Variants in CNTN5 observed in about 807,000 individuals in gnomAD.
The protein encoded by CNTN5 is contactin-5.
Under a neutral mutation model 129.1 loss-of-function variants are expected in CNTN5, and 77 were observed. That is an observed-to-expected ratio of 0.60 (90% CI 0.50 to 0.72). The LOEUF (loss-of-function observed/expected upper bound fraction) is 0.72, where lower values mean the gene tolerates loss of function less well. Among genes scored for constraint, CNTN5 ranks in the 30% least tolerant of loss-of-function variants. CNTN5 has a pLI of 0.00. For synonymous variants in CNTN5, 509 were observed against 465.6 expected, an observed-to-expected ratio of 1.09 and a Z score of -1.20; for missense variants, 1,478 against 1,328.8, an observed-to-expected ratio of 1.11 and a Z score of -1.75.
At chr11:99,616,130 T>A (rs1950753863) in intron 3 of CNTN5, among the ~76,000 whole-genome samples, 1 of 152,194 alleles carries the variant, frequency 6.6e-6, no homozygotes, top group South Asian at 2.1e-4. Flanking sequence ...ATTTATAGAT[T>A]TGTATAAGTC....
chr11:99,491,185 T>A (rs1488376630), intron 2 of CNTN5, among the ~76,000 whole-genome samples: 1 of 152,098 alleles, frequency 6.6e-6, no homozygotes, highest in Non-Finnish European at 1.5e-5. Context: ...CATTCCCATG[T>A]ATTTGTTAGG....
At chr11:100,267,058 T>C (rs554110751) in intron 17 of CNTN5, among the ~76,000 whole-genome samples, 1 of 152,176 alleles carries the variant, frequency 6.6e-6, no homozygotes, top group East Asian at 1.9e-4. Flanking sequence ...TGATGAGTAC[T>C]ATGGGGGAAA....
rs527446787 is a variant in CNTN5 at position 99,110,953 on chromosome 11, T to A, written c.-210+89683T>A. ...AAGCCACTGAGATTATAGTTTGTCATTGCAACATAATTTAGCCCATTCTGG... is the reference window on the plus strand; with the variant it reads ...AAGCCACTGAGATTATAGTTTGTCAATGCAACATAATTTAGCCCATTCTGG... On this transcript the variant is annotated intron_variant, in intron 1 of 24. Coordinates refer to ENST00000524871, the MANE Select transcript of CNTN5 (RefSeq NM_014361.4). 3.3e-5 allele frequency among the ~76,000 whole-genome samples: 5 copies of A among 152,284 alleles called. No individual in the cohort carries two copies. In the South Asian group the frequency reaches 1.0e-3, roughly 32 times the overall value.
intron 13 of CNTN5, among the ~76,000 whole-genome samples, chr11:100,143,114 T>C (rs1946746203): frequency 6.6e-6 from 1 of 152,184 alleles, no homozygotes; most frequent in Non-Finnish European, 1.5e-5. Context: ...ACTACTGGTC[T>C]CAAGCATCTT....
At chr11:100,289,764 A>G (rs1366377795) in intron 18 of CNTN5, among the ~76,000 whole-genome samples, 4 of 149,162 alleles carry the variant, frequency 2.7e-5, no homozygotes, top group South Asian at 4.3e-4. Flanking sequence ...GGCCAGGGCA[A>G]TCAGGCAGGA....
At chr11:99,502,556 C>T (rs72991575) in intron 2 of CNTN5, among the ~76,000 whole-genome samples, 6,990 of 152,186 alleles carry the variant, frequency 0.046, 236 homozygotes, top group Non-Finnish European at 0.067. Flanking sequence ...TGCCTTGCTT[C>T]TCCTTCACCT....
At chr11:100,174,270 A>G (rs1001895927) in intron 13 of CNTN5, among the ~76,000 whole-genome samples, 2 of 152,126 alleles carry the variant, frequency 1.3e-5, no homozygotes, top group East Asian at 1.9e-4. Context: ...TTATAAGAGA[A>G]AAAGGAAAGT....
chr11:99,046,668 T>G (rs2135158477), intron 1 of CNTN5, among the ~76,000 whole-genome samples: 1 of 152,132 alleles, frequency 6.6e-6, no homozygotes, highest in Non-Finnish European at 1.5e-5. Flanking sequence ...ATTTTAGTTT[T>G]TTCATCAATT....
intron 21 of CNTN5, among the ~76,000 whole-genome samples, chr11:100,320,950 G>A (rs972380795): frequency 6.6e-6 from 1 of 151,994 alleles, no homozygotes; most frequent in Non-Finnish European, 1.5e-5. Flanking sequence ...TGCTGTTTTT[G>A]TTACTATAGC....
intron 3 of CNTN5, among the ~76,000 whole-genome samples, chr11:99,808,862 A>G (rs1249509706): frequency 1.3e-5 from 2 of 152,100 alleles, no homozygotes; most frequent in Non-Finnish European, 2.9e-5. Context: ...CTCCCTTTTA[A>G]GATTGTGCCT....
chr11:99,923,120 A>T (rs1949977546), intron 7 of CNTN5, among the ~76,000 whole-genome samples: 1 of 152,144 alleles, frequency 6.6e-6, no homozygotes, highest in African/African-American at 2.4e-5. Flanking sequence ...TGCAATGCCC[A>T]TTTTTCTTCA....
In CNTN5 at chr11:99,255,815, C is replaced by CGCACACGCACACACAT. The variant is rs1180834545; in HGVS notation, c.-209-69515_-209-69500dup. On this transcript the variant is annotated intron_variant, in intron 1 of 24. Coordinates refer to ENST00000524871, the MANE Select transcript of CNTN5 (RefSeq NM_014361.4). ...ACACACACACGCACACACACACACACGCACACGCACACACATGCACACGCA... is the reference window on the plus strand; with the variant it reads ...ACACACACACGCACACACACACACACGCACACGCACACACATGCACACGCACACACATGCACACGCA... Among the ~76,000 whole-genome samples the CGCACACGCACACACAT allele has an allele frequency of 1.2e-3, 187 of 151,252 alleles. 1 individual carries two copies. Among genetic ancestry groups the CGCACACGCACACACAT allele is most frequent in the African/African-American group, 4.4e-3 (182 of 41,258 alleles).
intron 9 of CNTN5, among the ~76,000 whole-genome samples, chr11:100,050,196 T>C (rs960692070): frequency 6.6e-6 from 1 of 152,198 alleles, no homozygotes; most frequent in Non-Finnish European, 1.5e-5. Context: ...TGTGGCACTA[T>C]TCACAATAGC....
intron 3 of CNTN5, among the ~76,000 whole-genome samples, chr11:99,683,169 C>A (rs1953634457): frequency 6.6e-6 from 1 of 151,618 alleles, no homozygotes; most frequent in Non-Finnish European, 1.5e-5. Flanking sequence ...TTATTGAATC[C>A]AATTTTTTTA....
intron 1 of CNTN5, among the ~76,000 whole-genome samples, chr11:99,184,863 T>C (rs1483486489): frequency 1.3e-5 from 2 of 152,038 alleles, no homozygotes; most frequent in Admixed American, 1.3e-4. Context: ...TTAAAAGTGA[T>C]ATTTTTAGAA....
intron 7 of CNTN5, among the ~76,000 whole-genome samples, chr11:99,947,542 A>G (rs1950579299): frequency 6.6e-6 from 1 of 152,160 alleles, no homozygotes. Context: ...AGCACAAAAA[A>G]CATTTTTGAA....
intron 1 of CNTN5, among the ~76,000 whole-genome samples, chr11:99,106,521 G>A (rs1047139726): frequency 1.3e-5 from 2 of 151,874 alleles, no homozygotes; most frequent in Admixed American, 6.6e-5. Context: ...TCTTAAGAGT[G>A]ATATTCAGAT....
At chr11:100,168,973 T>G (rs1947741402) in intron 13 of CNTN5, among the ~76,000 whole-genome samples, 1 of 151,914 alleles carries the variant, frequency 6.6e-6, no homozygotes, top group African/African-American at 2.4e-5. Context: ...GTAGAGGAAG[T>G]TACTGCAGAT....
At chr11:99,391,487 A>G (rs1443681588) in intron 2 of CNTN5, among the ~76,000 whole-genome samples, 1 of 152,140 alleles carries the variant, frequency 6.6e-6, no homozygotes, top group Non-Finnish European at 1.5e-5. Flanking sequence ...TAAGATTCTG[A>G]TCTCATCACA....
Sources: gnomAD v4.1 joint callset for allele counts (sites outside exome capture counted in the v4.1 genomes callset) on GRCh38, gnomAD v4.1.1 for gene constraint, MANE v1.5 for transcripts, NCBI Gene and HGNC (gene_info 2026-07-23, HGNC 2026-07-21) for gene names.